The following PIP4K2A variants were observed in gnomAD, a reference collection of about 807,000 sequenced individuals.
PIP4K2A encodes phosphatidylinositol 5-phosphate 4-kinase type-2 alpha.
A neutral mutation model predicts 42.9 loss-of-function variants in PIP4K2A; 14 were observed. That is an observed-to-expected ratio of 0.33 (90% CI 0.22 to 0.51). The LOEUF is 0.51. PIP4K2A is among the 20% of genes least tolerant of loss of function. The probability of loss-of-function intolerance (pLI) is 0.97; values close to 1 mark genes in which losing one functional copy is unlikely to be tolerated. For synonymous variants in PIP4K2A, 192 were observed against 192.2 expected (o/e 1.00, Z 0.01); for missense variants, 434 against 519.8 (o/e 0.83, Z 1.61).
chr10:22,622,444 G>A (rs996629507), intron 1 of PIP4K2A, among the ~76,000 whole-genome samples: 7 of 152,348 alleles, frequency 4.6e-5, no homozygotes, highest in Admixed American at 3.9e-4. Flanking sequence ...CACGGAGCAC[G>A]GGAGGAGCCA....
chr10:22,549,882 A>G lies in PIP4K2A; in HGVS notation c.792+777T>C, dbSNP rs1836359376. ...AAAAAAAAAAAAAAAAAAGAAAGGA[A>G]AGAAAATAACCTTTTTTTCCTTTTT... On this transcript the variant is annotated intron_variant, in intron 7 of 9. Coordinates refer to ENST00000376573, the MANE Select transcript of PIP4K2A (RefSeq NM_005028.5). Among the ~76,000 whole-genome samples the G allele has an allele frequency of 1.3e-5, 2 of 149,774 alleles. 1 individual carries two copies. Among genetic ancestry groups the G allele is most frequent in the South Asian group, 4.3e-4 (2 of 4,704 alleles).
chr10:22,664,092 T>TATATATATATAC (rs1323856976), intron 1 of PIP4K2A, among the ~76,000 whole-genome samples: 3 of 62,896 alleles, frequency 4.8e-5, no homozygotes, highest in South Asian at 4.8e-4. Context: ...TATATATACA[T>TATATATATATAC]ATATATATAT....
chr10:22,691,193 C>T (rs1211372832), intron 1 of PIP4K2A, among the ~76,000 whole-genome samples: 3 of 152,202 alleles, frequency 2.0e-5, no homozygotes, highest in South Asian at 4.1e-4. Flanking sequence ...ATGGCATCTG[C>T]GATTCAGAAC....
intron 1 of PIP4K2A, among the ~76,000 whole-genome samples, chr10:22,678,965 A>C (rs564482604): frequency 6.6e-6 from 1 of 152,364 alleles, no homozygotes; most frequent in Admixed American, 6.5e-5. Flanking sequence ...TGAGCTATAA[A>C]GTGTAAGATA....
At chr10:22,565,668 G>A (rs1836829077) in intron 6 of PIP4K2A, among the ~76,000 whole-genome samples, 1 of 152,196 alleles carries the variant, frequency 6.6e-6, no homozygotes, top group African/African-American at 2.4e-5. Flanking sequence ...CAATTGTTCA[G>A]GGAATAAGAG....
At chr10:22,670,759 C>T (rs1029525475) in intron 1 of PIP4K2A, among the ~76,000 whole-genome samples, 2 of 152,166 alleles carry the variant, frequency 1.3e-5, no homozygotes, top group African/African-American at 4.8e-5. Context: ...ATATTACAAC[C>T]AGTTGATATG....
chr10:22,714,035 G>A (rs1019096908), intron 1 of PIP4K2A, 148 bp downstream of exon 1: 4 of 788,798 alleles, frequency 5.1e-6, no homozygotes, highest in South Asian at 1.8e-5. Flanking sequence ...CGCGCCGCGG[G>A]GCTGGGGGCT....
chr10:22,666,910 C>A (rs528427145), intron 1 of PIP4K2A, among the ~76,000 whole-genome samples: 1 of 152,314 alleles, frequency 6.6e-6, no homozygotes, highest in Non-Finnish European at 1.5e-5. Context: ...GAAAGTTAAT[C>A]ATTGGCCGAT....
chr10:22,618,947 A>G (rs1373566789), intron 1 of PIP4K2A, among the ~76,000 whole-genome samples: 1 of 152,224 alleles, frequency 6.6e-6, no homozygotes, highest in Non-Finnish European at 1.5e-5. Flanking sequence ...AACAAAGACC[A>G]TCATAAAGGC....
intron 1 of PIP4K2A, among the ~76,000 whole-genome samples, chr10:22,667,371 A>AT (rs11443811): frequency 0.27 from 41,089 of 152,118 alleles, 5,875 homozygotes; most frequent in Non-Finnish European, 0.31. Context: ...ATATTACATA[A>AT]TTTTTTATGA....
At chr10:22,538,036 C>A (rs1835981203) in intron 9 of PIP4K2A, among the ~76,000 whole-genome samples, 1 of 152,222 alleles carries the variant, frequency 6.6e-6, no homozygotes, top group Non-Finnish European at 1.5e-5. Context: ...TGCAGGCCAG[C>A]ACACTCAAGG....
At chr10:22,570,839 TA>T (rs113918920) in intron 5 of PIP4K2A, among the ~76,000 whole-genome samples, 14,936 of 145,260 alleles carry the variant, frequency 0.1, 805 homozygotes, top group Middle Eastern at 0.18. Flanking sequence ...GTTTGTGATT[TA>T]AAAAAAAAAA....
chr10:22,591,750 T>C lies in PIP4K2A; in HGVS notation c.371A>G (p.Asn124Ser), dbSNP rs560531370. 14 of 1,612,550 alleles carry C rather than the reference T, an allele frequency of 8.7e-6. No individual in the cohort carries two copies. Among genetic ancestry groups the C allele is most frequent in the African/African-American group, 2.7e-5 (2 of 74,974 alleles). The stretch of plus-strand genomic sequence containing the variant: ...AGCTCCACTGCGGGCCTGGGAGTCG[T>C]TGGGGAGGGGTGCGCTCCTGGTCAG... ...NSLTRSAPLP[N>S]DSQARSGARF... is the part of the protein sequence containing the mutation. The change falls in exon 4 of 10, where the codon AAC becomes AGC. Residue 124 changes from asparagine to serine, a missense_variant. By Grantham distance (46) the Asn-to-Ser change is conservative (BLOSUM62 1). Transcript: ENST00000376573.
At chr10:22,657,140 C>T (rs747003487) in intron 1 of PIP4K2A, among the ~76,000 whole-genome samples, 4 of 152,210 alleles carry the variant, frequency 2.6e-5, no homozygotes, top group African/African-American at 9.6e-5. Context: ...ATATATCAAA[C>T]ATCTGTGTCT....
chr10:22,650,994 CAGATTTGTAGCTCTAGCTCCT>C (rs1564455600), intron 1 of PIP4K2A, among the ~76,000 whole-genome samples: 1 of 152,208 alleles, frequency 6.6e-6, no homozygotes, highest in African/African-American at 2.4e-5. Flanking sequence ...TGACAGCTCC[CAGATTTGTAGCTCTAGCTCCT>C]ACCCACTCTC....
At chr10:22,594,698 C>T (rs190855864) in intron 3 of PIP4K2A, among the ~76,000 whole-genome samples, 4 of 152,182 alleles carry the variant, frequency 2.6e-5, no homozygotes, top group African/African-American at 7.2e-5. Context: ...CCATGCCCAG[C>T]GCAACATATG....
intron 3 of PIP4K2A, among the ~76,000 whole-genome samples, chr10:22,595,621 G>GTGGT (rs1837617350): frequency 6.6e-6 from 1 of 152,062 alleles, no homozygotes; most frequent in South Asian, 2.1e-4. Context: ...GCCAGGTGTG[G>GTGGT]TGGTGCATGC....
intron 1 of PIP4K2A, among the ~76,000 whole-genome samples, chr10:22,650,413 A>C (rs1838970370): frequency 6.6e-6 from 1 of 152,098 alleles, no homozygotes; most frequent in Non-Finnish European, 1.5e-5. Context: ...ATGACACTAC[A>C]CCCAGCTAAT....
At position 22,649,856 on chromosome 10, in the gene PIP4K2A, G is replaced by A. The variant is rs1044155092; in HGVS notation, c.145-40139C>T. Among the ~76,000 whole-genome samples the A allele has an allele frequency of 3.9e-5, 6 of 152,272 alleles. No individual in the cohort carries two copies. The East Asian group carries it at 7.7e-4, about 20-fold the overall frequency. On this transcript the variant is annotated intron_variant, in intron 1 of 9. Transcript: ENST00000376573. The stretch of plus-strand genomic sequence containing the variant: ...TATGTAGATTCATTCTTCAGCAAAC[G>A]ATATCAGCCCTACTTTTTTCCTCTA...
Sources: gnomAD v4.1 joint callset for allele counts (sites outside exome capture counted in the v4.1 genomes callset) on GRCh38, gnomAD v4.1.1 for gene constraint, MANE v1.5 for transcripts, NCBI Gene and HGNC (gene_info 2026-07-23, HGNC 2026-07-21) for gene names.